Variants in TNKS2 observed in about 807,000 individuals in gnomAD.
TNKS2 encodes the protein tankyrase 2.
TNKS2 carries 72 observed loss-of-function variants against 137.6 expected under a neutral mutation model. The ratio of observed to expected loss-of-function variants is 0.52; its 90% CI spans 0.43 to 0.64. The LOEUF is 0.64. TNKS2 is among the 30% of genes least tolerant of loss of function. The pLI is 0.00. For synonymous variants in TNKS2, 516 were observed against 512.1 expected, an observed-to-expected ratio of 1.01 and a Z score of -0.10; for missense variants, 1,049 against 1,410.2, an observed-to-expected ratio of 0.74 and a Z score of 4.10.
intron 21 of TNKS2, among the ~76,000 whole-genome samples, chr10:91,853,673 A>G (rs1538832): frequency 0.14 from 21,211 of 152,260 alleles, 1,576 homozygotes; most frequent in Middle Eastern, 0.19. Flanking sequence ...GCCTCAGTCA[A>G]GCATTTGTCA....
chr10:91,848,662 C>T, intron 19 of TNKS2, 27 bp downstream of exon 19: 1 of 1,611,108 alleles, frequency 6.2e-7, no homozygotes, highest in Non-Finnish European at 8.5e-7. Context: ...AAATAACTTT[C>T]TAACTGGTAT....
intron 12 of TNKS2, 113 bp downstream of exon 12, chr10:91,834,137 A>G (rs1841918605): frequency 3.8e-6 from 3 of 799,838 alleles, no homozygotes; most frequent in African/African-American, 3.5e-5. Flanking sequence ...ATTTTTGTTT[A>G]TTTCTTCTTA....
At chr10:91,842,649 C>T (rs1842243859) in intron 16 of TNKS2, among the ~76,000 whole-genome samples, 1 of 151,942 alleles carries the variant, frequency 6.6e-6, no homozygotes, top group South Asian at 2.1e-4. Flanking sequence ...GTGGTGTGCA[C>T]CTGTAGTCCC....
intron 16 of TNKS2, 119 bp downstream of exon 16, chr10:91,842,510 A>G: frequency 3.4e-6 from 3 of 881,622 alleles, no homozygotes; most frequent in Non-Finnish European, 5.2e-6. Context: ...ATGGTGGCTC[A>G]CACTTGTAAT....
chr10:91,855,337 T>G (rs1469243716), intron 22 of TNKS2, among the ~76,000 whole-genome samples: 2 of 150,824 alleles, frequency 1.3e-5, no homozygotes, highest in Non-Finnish European at 2.9e-5. Context: ...TTTTTTGTGT[T>G]TGTTTTTGTT....
chr10:91,854,364 A>G (rs1842641571), intron 21 of TNKS2, among the ~76,000 whole-genome samples: 1 of 152,214 alleles, frequency 6.6e-6, no homozygotes, highest in South Asian at 2.1e-4. Context: ...TTGTCAGGTC[A>G]AAAAGTAATA....
chr10:91,855,128 T>A lies in TNKS2; in HGVS notation c.2913+2T>A, dbSNP rs1483489875. The A allele has an allele frequency of 1.9e-6, 3 of 1,564,734 alleles. No homozygotes were observed. On this transcript the variant is annotated splice_donor_variant, in intron 22 of 26. Coordinates refer to ENST00000371627, the MANE Select transcript of TNKS2 (RefSeq NM_025235.4). LOFTEE classifies it high-confidence loss of function. ...GAGTTTCAGTCTGTGGAGGAAGAGG[T>A]ATGTTCATATAACTTCAATAGTAGG... is the stretch of plus-strand genomic sequence containing the variant.
Position 91,812,972 on chromosome 10 carries a change from T to C in TNKS2, c.200-11T>C. On this transcript the variant is annotated splice_polypyrimidine_tract_variant and intron_variant, in intron 1 of 26. Coordinates refer to ENST00000371627, the MANE Select transcript of TNKS2 (RefSeq NM_025235.4). Reference sequence around the variant, plus strand: ...GTTGAACTTACGTGTGGACAATTTGTTTTCATCTAGGTTTTGGGCGGAAAG... The same window carrying C: ...GTTGAACTTACGTGTGGACAATTTGCTTTCATCTAGGTTTTGGGCGGAAAG... 1 of 1,613,588 alleles carries C rather than the reference T, an allele frequency of 6.2e-7. No homozygotes were observed. Among genetic ancestry groups the C allele is most frequent in the East Asian group, 2.2e-5 (1 of 44,876 alleles).
At chr10:91,857,219 GA>G (rs1214918704) in intron 23 of TNKS2, among the ~76,000 whole-genome samples, 1 of 151,466 alleles carries the variant, frequency 6.6e-6, no homozygotes, top group Non-Finnish European at 1.5e-5. Flanking sequence ...TTTTTTCTTT[GA>G]ATTTTTTTAA....
chr10:91,833,181 A>G (rs1163958300), intron 11 of TNKS2, among the ~76,000 whole-genome samples: 3 of 152,232 alleles, frequency 2.0e-5, no homozygotes, highest in Non-Finnish European at 4.4e-5. Context: ...TGGCAGAAGT[A>G]GTGCACAGTC....
At chr10:91,850,508 C>T (rs1842509979) in intron 20 of TNKS2, among the ~76,000 whole-genome samples, 1 of 151,968 alleles carries the variant, frequency 6.6e-6, no homozygotes, top group Admixed American at 6.6e-5. Flanking sequence ...CACCTGAGGT[C>T]AGGAGTTCAA....
At chr10:91,818,942 T>A (rs1844797418) in intron 3 of TNKS2, among the ~76,000 whole-genome samples, 1 of 152,210 alleles carries the variant, frequency 6.6e-6, no homozygotes, top group Non-Finnish European at 1.5e-5. Context: ...ACCAATAACC[T>A]ATGACCCAAG....
At chr10:91,814,855 A>G (rs1278564167) in intron 2 of TNKS2, among the ~76,000 whole-genome samples, 1 of 152,196 alleles carries the variant, frequency 6.6e-6, no homozygotes, top group East Asian at 1.9e-4. Flanking sequence ...TTCTCAGAGT[A>G]TATCCCTGTC....
intron 13 of TNKS2, among the ~76,000 whole-genome samples, chr10:91,838,971 A>T (rs2487513): frequency 6.6e-6 from 1 of 152,014 alleles, no homozygotes; most frequent in East Asian, 1.9e-4. Context: ...GGGTTCAAGC[A>T]ATTCTCTTTC....
intron 11 of TNKS2, among the ~76,000 whole-genome samples, chr10:91,832,415 C>G (rs997261785): frequency 6.6e-6 from 1 of 151,688 alleles, no homozygotes; most frequent in African/African-American, 2.4e-5. Context: ...CAGGAAAGTC[C>G]TAGGCAAACC....
At chr10:91,834,824 C>A (rs1463752190) in intron 12 of TNKS2, among the ~76,000 whole-genome samples, 1 of 152,208 alleles carries the variant, frequency 6.6e-6, no homozygotes, top group African/African-American at 2.4e-5. Context: ...GGGATAATAA[C>A]ACTGGTCCTA....
At chr10:91,844,870 C>T (rs1472045764) in intron 16 of TNKS2, 49 bp from the exon 17 acceptor site, 1 of 1,319,664 alleles carries the variant, frequency 7.6e-7, no homozygotes, top group Admixed American at 2.0e-5. Flanking sequence ...TGACATAGGA[C>T]TAAAAAAGAA....
At chr10:91,799,323 T>C (rs1180766978) in intron 1 of TNKS2, among the ~76,000 whole-genome samples, 1 of 152,228 alleles carries the variant, frequency 6.6e-6, no homozygotes, top group Non-Finnish European at 1.5e-5. Flanking sequence ...TGAAGGACTT[T>C]GTAAAATACA....
chr10:91,809,500 A>G (rs1844431147), intron 1 of TNKS2, among the ~76,000 whole-genome samples: 1 of 152,000 alleles, frequency 6.6e-6, no homozygotes, highest in Non-Finnish European at 1.5e-5. Context: ...CCCCGTCTCT[A>G]CTAAAAATAC....
Sources: gnomAD v4.1 joint callset for allele counts (sites outside exome capture counted in the v4.1 genomes callset) on GRCh38, gnomAD v4.1.1 for gene constraint, MANE v1.5 for transcripts, NCBI Gene and HGNC (gene_info 2026-07-23, HGNC 2026-07-21) for gene names.